Variants in MLYCD observed in about 807,000 individuals in gnomAD.
The protein encoded by MLYCD is malonyl-CoA decarboxylase, mitochondrial.
Under a neutral mutation model 35.8 loss-of-function variants are expected in MLYCD, and 27 were observed. The observed-to-expected ratio is 0.75, with a 90% CI of 0.56 to 1.04. MLYCD has a LOEUF of 1.04. Among genes scored for constraint, MLYCD ranks in the 50% least tolerant of loss-of-function variants. MLYCD has a pLI of 0.00. For synonymous variants in MLYCD, 403 were observed against 302.4 expected, an observed-to-expected ratio of 1.33 and a Z score of -3.45; for missense variants, 917 against 665.1, an observed-to-expected ratio of 1.38 and a Z score of -4.17.
In MLYCD at chr16:83,916,800, T is replaced by A. The variant is rs559657348; in HGVS notation, c.*1311T>A. Reference sequence around the variant, plus strand: ...CATGTGCACGAGCGTTCTATGTGGATCAGTGCACGCCTGTGTGCGTGTGCA... The same window carrying A: ...CATGTGCACGAGCGTTCTATGTGGAACAGTGCACGCCTGTGTGCGTGTGCA... On this transcript the variant is annotated 3_prime_UTR_variant, in exon 5 of 5. Coordinates refer to ENST00000262430, the MANE Select transcript of MLYCD (RefSeq NM_012213.3). 4.0e-5 allele frequency: 5 copies of A among 124,532 alleles called. No individual in the cohort carries two copies. In the East Asian group the frequency reaches 7.8e-4, roughly 20 times the overall value. The allele number at this position is 124,532 out of a possible 1,614,324, so 7.7% of individuals were successfully genotyped here.
rs964183230 is a variant in MLYCD, at chr16:83,914,464, G to C, written c.949-492G>C. 1.3e-5 allele frequency: 3 copies of C among 228,300 alleles called. No homozygotes were observed. In the South Asian group the frequency reaches 1.9e-4, roughly 14 times the overall value. The allele number at this position is 228,300 out of a possible 1,614,324, so 14.1% of individuals were successfully genotyped here. ...CTGCAGTGAGTAGCTGCAGTGCACCGAGCCCCACTCCCCACTGGCCAGCTG... is the reference window on the plus strand; with the variant it reads ...CTGCAGTGAGTAGCTGCAGTGCACCCAGCCCCACTCCCCACTGGCCAGCTG... On this transcript the variant is annotated intron_variant, in intron 4 of 4. Transcript: ENST00000262430.
Position 83,923,386 on chromosome 16 carries a change from C to T in MLYCD, c.*7897C>T, listed in dbSNP as rs1907712646. 1.3e-5 allele frequency: 2 copies of T among 152,228 alleles called. 1 individual carries two copies. Among genetic ancestry groups the T allele is most frequent in the South Asian group, 4.1e-4 (2 of 4,830 alleles). 9.4% of individuals were successfully genotyped at this position (152,228 alleles called of 1,614,324 possible). On this transcript the variant is annotated 3_prime_UTR_variant, in exon 5 of 5. Transcript: ENST00000262430. ...ATCTACTCTTAGAAACAAAAGCTGCCCATGATTTCACCACAGAAAGTCTGC... is the reference window on the plus strand; with the variant it reads ...ATCTACTCTTAGAAACAAAAGCTGCTCATGATTTCACCACAGAAAGTCTGC...
At chr16:83,904,767 G>A (rs1477873479) in intron 1 of MLYCD, among the ~76,000 whole-genome samples, 2 of 152,170 alleles carry the variant, frequency 1.3e-5, no homozygotes, top group African/African-American at 4.8e-5. Flanking sequence ...GTCCACCTGT[G>A]CTTGATGGCT....
At chr16:83,912,170 C>A in intron 3 of MLYCD, 48 bp from the exon 4 acceptor site, 1 of 1,613,350 alleles carries the variant, frequency 6.2e-7, no homozygotes, top group South Asian at 1.1e-5. Context: ...GCCTCGTGGG[C>A]TGCAGAGCGG....
At position 83,919,781 on chromosome 16, in the gene MLYCD, GAGAACACACGGTGTAC is replaced by G. The variant is rs1249063573; in HGVS notation, c.*4306_*4321del. On this transcript the variant is annotated 3_prime_UTR_variant, in exon 5 of 5. Coordinates refer to ENST00000262430, the MANE Select transcript of MLYCD (RefSeq NM_012213.3). ...GCACAGGAGAACACATGGTGCACAGGAGAACACACGGTGTACAGAACACACGGTGCACAGGAGAACA... is the reference window on the plus strand; with the variant it reads ...GCACAGGAGAACACATGGTGCACAGGAGAACACACGGTGCACAGGAGAACA... The G allele has an allele frequency of 1.3e-5, 2 of 148,524 alleles. No homozygotes were observed. The highest frequency in any genetic ancestry group is 3.0e-5 in the Non-Finnish European group (2 of 67,516). 9.2% of individuals were successfully genotyped at this position (148,524 alleles called of 1,614,324 possible). A position where few individuals can be genotyped will look rare whatever the true frequency, so the allele number is the denominator to read the frequency against.
In MLYCD at chr16:83,912,321, T is replaced by G. The variant is rs1192729753; in HGVS notation, c.902T>G (p.Val301Gly). ...ISLTQQGLQG[V>G]ELGTFLIKRV... ...TTGACCCAGCAGGGACTCCAAGGGGTGGAGCTGGGAACATTCCTCATAAAG... is the reference window on the plus strand; with the variant it reads ...TTGACCCAGCAGGGACTCCAAGGGGGGGAGCTGGGAACATTCCTCATAAAG... Residue 301 changes from valine to glycine, a missense_variant, in exon 4 of 5, where the codon GTG becomes GGG. By Grantham distance (109) the Val-to-Gly change is moderately radical (BLOSUM62 -3). Transcript: ENST00000262430. 6.2e-7 allele frequency: 1 copy of G among 1,614,110 alleles called. No individual in the cohort carries two copies. Among genetic ancestry groups the G allele is most frequent in the South Asian group, 1.1e-5 (1 of 91,082 alleles).
chr16:83,899,770 C>CT, intron 1 of MLYCD, 98 bp downstream of exon 1: 4 of 1,349,158 alleles, frequency 3.0e-6, no homozygotes, highest in Non-Finnish European at 3.9e-6. Flanking sequence ...CCCGCCTTCC[C>CT]TGCCCGATAG....
At position 83,920,900 on chromosome 16, in the gene MLYCD, AGAT is replaced by A. The variant is rs1444857154; in HGVS notation, c.*5413_*5415del. The A allele has an allele frequency of 6.8e-6, 1 of 146,294 alleles. No homozygotes were observed. Among genetic ancestry groups the A allele is most frequent in the Non-Finnish European group, 1.5e-5 (1 of 66,174 alleles). 9.1% of individuals were successfully genotyped at this position (146,294 alleles called of 1,614,324 possible). ...TTAGATGGATGGATGGAAGGAAGGA[AGAT>A]GGATGGATGGATGGATGGATGGATG... On this transcript the variant is annotated 3_prime_UTR_variant, in exon 5 of 5. Coordinates refer to ENST00000262430, the MANE Select transcript of MLYCD (RefSeq NM_012213.3).
intron 1 of MLYCD, among the ~76,000 whole-genome samples, chr16:83,902,111 A>G (rs1906808341): frequency 6.8e-6 from 1 of 147,464 alleles, no homozygotes; most frequent in African/African-American, 2.5e-5. Flanking sequence ...TCATATATAC[A>G]CATATATATG....
Position 83,912,312 on chromosome 16 carries a change from T to G in MLYCD, c.893T>G (p.Leu298Arg). 1 of 1,614,202 alleles carries G rather than the reference T, an allele frequency of 6.2e-7. No individual in the cohort carries two copies. Among genetic ancestry groups the G allele is most frequent in the Non-Finnish European group, 8.5e-7 (1 of 1,180,042 alleles). Reference protein sequence around the residue: ...FYSISLTQQGLQGVELGTFLI... With the variant: ...FYSISLTQQGRQGVELGTFLI... ...TCCATCAGCTTGACCCAGCAGGGAC[T>G]CCAAGGGGTGGAGCTGGGAACATTC... Residue 298 changes from leucine (L) to arginine (R), a missense_variant, in exon 4 of 5, where the codon CTC becomes CGC. Physicochemically the swap from Leu to Arg is moderately radical, Grantham distance 102. Transcript: ENST00000262430.
intron 1 of MLYCD, among the ~76,000 whole-genome samples, chr16:83,903,149 C>G (rs751550379): frequency 6.6e-6 from 1 of 152,048 alleles, no homozygotes; most frequent in Non-Finnish European, 1.5e-5. Context: ...GGAAAGGGTT[C>G]CTCATGGGCA....
rs142477926 is a variant in MLYCD at position 83,924,387 on chromosome 16, G to C, written c.*8898G>C. ...GAGTGGCCCAGGCAGTTCCTAGAGC[G>C]GGGGAGATGGAGTGGGCCGTATCCC... On this transcript the variant is annotated 3_prime_UTR_variant, in exon 5 of 5. Transcript: ENST00000262430. 3 of 152,256 alleles carry C rather than the reference G, an allele frequency of 2.0e-5. No individual in the cohort carries two copies. Among genetic ancestry groups the C allele is most frequent in the African/African-American group, 7.2e-5 (3 of 41,430 alleles). 9.4% of individuals were successfully genotyped at this position (152,256 alleles called of 1,614,324 possible).
In MLYCD at chr16:83,919,487, A is replaced by G. The variant is rs1272402028; in HGVS notation, c.*3998A>G. 1 of 152,842 alleles carries G rather than the reference A, an allele frequency of 6.5e-6. No individual in the cohort carries two copies. The highest frequency in any genetic ancestry group is 1.5e-5 in the Non-Finnish European group (1 of 68,842). 9.5% of individuals were successfully genotyped at this position (152,842 alleles called of 1,614,324 possible). On this transcript the variant is annotated 3_prime_UTR_variant, in exon 5 of 5. Coordinates refer to ENST00000262430, the MANE Select transcript of MLYCD (RefSeq NM_012213.3). ...CAGTGCACAGGAGAACACACAGTGC[A>G]CAGGAGAGAACACACAGTGCACAGA... is the stretch of plus-strand genomic sequence containing the variant.
rs985955776 is a variant in MLYCD, at chr16:83,899,262, A to G, written c.118A>G (p.Met40Val). The change falls in exon 1 of 5, where the codon ATG becomes GTG. Residue 40 changes from methionine (M) to valine (V), a missense_variant. Physicochemically the swap from Met to Val is conservative, Grantham distance 21. Transcript: ENST00000262430. ...GGCGGCCGGCGCCCTGGAGCGGGCC[A>G]TGGACGAGCTGCTGCGCCGCGCGGT... ...GQAAGALERA[M>V]DELLRRAVPP... 6.9e-7 allele frequency: 1 copy of G among 1,445,526 alleles called. No homozygotes were observed. The highest frequency in any genetic ancestry group is 9.1e-7 in the Non-Finnish European group (1 of 1,103,150). The allele number at this position is 1,445,526 out of a possible 1,614,324, so 89.5% of individuals were successfully genotyped here.
rs929353577 is a variant in MLYCD at position 83,924,737 on chromosome 16, G to C, written c.*9248G>C. On this transcript the variant is annotated 3_prime_UTR_variant, in exon 5 of 5. Transcript: ENST00000262430. Reference sequence around the variant, plus strand: ...CTGGCCATTTGCAGTCTCCACCCCAGTGTGGCTCACGATGCCACCTCTCCT... The same window carrying C: ...CTGGCCATTTGCAGTCTCCACCCCACTGTGGCTCACGATGCCACCTCTCCT... The C allele has an allele frequency of 2.0e-5, 3 of 152,170 alleles. No individual in the cohort carries two copies. The highest frequency in any genetic ancestry group is 7.2e-5 in the African/African-American group (3 of 41,432). The allele number at this position is 152,170 out of a possible 1,614,324, so 9.4% of individuals were successfully genotyped here.
rs1207598249 is a variant in MLYCD, at chr16:83,906,998, G to A, written c.540G>A (p.Gly180=). 1 of 1,613,838 alleles carries A rather than the reference G, an allele frequency of 6.2e-7. No homozygotes were observed. The highest frequency in any genetic ancestry group is 1.3e-5 in the African/African-American group (1 of 74,892). The change falls in exon 2 of 5, where the codon GGG becomes GGA. Residue 180 remains glycine, a synonymous_variant. Coordinates refer to ENST00000262430, the MANE Select transcript of MLYCD (RefSeq NM_012213.3). ...VEGPDVREMN[G]VLKGMLSEWF... ...CTTCTCCTTTTCAGGAAATGAATGGGGTGCTGAAAGGAATGCTCTCAGAAT... is the reference window on the plus strand; with the variant it reads ...CTTCTCCTTTTCAGGAAATGAATGGAGTGCTGAAAGGAATGCTCTCAGAAT...
rs867271136 is a variant in MLYCD at position 83,899,122 on chromosome 16, C to A, written c.-23C>A. 41 of 1,106,508 alleles carry A rather than the reference C, an allele frequency of 3.7e-5. No homozygotes were observed. The highest frequency in any genetic ancestry group is 1.2e-4 in the East Asian group (2 of 17,234). The allele number at this position is 1,106,508 out of a possible 1,614,324, so 68.5% of individuals were successfully genotyped here. A position where few individuals can be genotyped will look rare whatever the true frequency, so the allele number is the denominator to read the frequency against. On this transcript the variant is annotated 5_prime_UTR_variant, in exon 1 of 5. Coordinates refer to ENST00000262430, the MANE Select transcript of MLYCD (RefSeq NM_012213.3). ...CGCGGCAGCGGCGGCGGCGCTCCCC[C>A]TCGGCAGCTGTTGTGGGGCACCATG...
intron 2 of MLYCD, 128 bp downstream of exon 2, chr16:83,907,227 C>G: frequency 1.2e-6 from 1 of 858,624 alleles, no homozygotes; most frequent in Middle Eastern, 3.2e-4. Context: ...TAATAAAATC[C>G]AAACACAGTA....
rs1273330845 is a variant in MLYCD at position 83,910,577 on chromosome 16, C to G, written c.799-1641C>G. On this transcript the variant is annotated intron_variant, in intron 3 of 4. Coordinates refer to ENST00000262430, the MANE Select transcript of MLYCD (RefSeq NM_012213.3). Reference sequence around the variant, plus strand: ...TGGTGGTGTGCACCTGTAGCCCCAGCTACTTGGGAGGCTGAGGCACAAATG... The same window carrying G: ...TGGTGGTGTGCACCTGTAGCCCCAGGTACTTGGGAGGCTGAGGCACAAATG... Among the ~76,000 whole-genome samples, 4 of 151,760 alleles carry G rather than the reference C, an allele frequency of 2.6e-5. No homozygotes were observed. In the East Asian group the frequency reaches 7.8e-4, roughly 30 times the overall value.
Sources: allele counts gnomAD v4.1 joint callset (sites outside exome capture counted in the v4.1 genomes callset), GRCh38; gene constraint gnomAD v4.1.1; transcripts MANE v1.5; gene names NCBI Gene and HGNC (gene_info 2026-07-23, HGNC 2026-07-21).